The following PMFBP1 variants were observed in gnomAD, a reference collection of about 807,000 sequenced individuals.
PMFBP1 encodes polyamine-modulated factor 1-binding protein 1.
In PMFBP1, 131 loss-of-function variants were observed where a neutral mutation model predicts 137.8. That is an observed-to-expected ratio of 0.95 (90% CI 0.82 to 1.10). The LOEUF (loss-of-function observed/expected upper bound fraction) is 1.10, where lower values mean the gene tolerates loss of function less well. Ranked by LOEUF, PMFBP1 falls within the 50% of genes least tolerant of loss-of-function variation. The pLI, the probability that PMFBP1 is intolerant of heterozygous loss-of-function variation, is 0.00. For synonymous variants in PMFBP1, 490 were observed against 450.4 expected, an observed-to-expected ratio of 1.09 and a Z score of -1.11; for missense variants, 1,199 against 1,175.4, an observed-to-expected ratio of 1.02 and a Z score of -0.29.
chr16:72,168,068 C>G (rs564365304), intron 2 of PMFBP1, among the ~76,000 whole-genome samples: 10 of 152,330 alleles, frequency 6.6e-5, no homozygotes, highest in Admixed American at 1.3e-4. Context: ...TTAGCATCGG[C>G]TCAGAGTCTC....
chr16:72,127,985 G>A (rs1337987410), intron 14 of PMFBP1, among the ~76,000 whole-genome samples: 1 of 152,208 alleles, frequency 6.6e-6, no homozygotes, highest in Non-Finnish European at 1.5e-5. Context: ...CAGAAAGATG[G>A]AATGGATTTA....
rs935042259 is a variant in PMFBP1, at chr16:72,120,231, C to T, written c.2769-142G>A. 2.2e-6 allele frequency: 3 copies of T among 1,378,658 alleles called. No homozygotes were observed. The African/African-American group carries it at 4.3e-5, about 20-fold the overall frequency. 85.4% of individuals were successfully genotyped at this position (1,378,658 alleles called of 1,614,324 possible). The stretch of plus-strand genomic sequence containing the variant: ...TCAGAGCCGGCCTGTTACACATGCT[C>T]TGTAGAAATGGAAGCCTACGTGTGT... On this transcript the variant is annotated intron_variant, in intron 19 of 20. Transcript: ENST00000237353.
the PMFBP1 span, among the ~76,000 whole-genome samples, chr16:72,230,639 CA>C: frequency 6.6e-6 from 1 of 152,154 alleles, no homozygotes; most frequent in Non-Finnish European, 1.5e-5. Flanking sequence ...TACCCCAAGC[CA>C]AACACTTGGG....
At chr16:72,221,654 G>T in the PMFBP1 span, among the ~76,000 whole-genome samples, 1 of 152,160 alleles carries the variant, frequency 6.6e-6, no homozygotes, top group Non-Finnish European at 1.5e-5. Context: ...GGATGAAGGG[G>T]GAGAGAAAAG....
chr16:72,212,029 G>A, the PMFBP1 span, among the ~76,000 whole-genome samples: 1 of 152,018 alleles, frequency 6.6e-6, no homozygotes, highest in African/African-American at 2.4e-5. Context: ...TAAAAAAAAA[G>A]TGGTAAAATA....
chr16:72,127,399 G>A (rs2144261680), intron 14 of PMFBP1, among the ~76,000 whole-genome samples: 1 of 152,248 alleles, frequency 6.6e-6, no homozygotes, highest in Non-Finnish European at 1.5e-5. Context: ...AAAACATGGA[G>A]TCAGCAGGGT....
intron 9 of PMFBP1, 112 bp from the exon 10 acceptor site, chr16:72,133,103 T>G (rs751411509): frequency 5.3e-6 from 7 of 1,321,514 alleles, no homozygotes; most frequent in Non-Finnish European, 7.3e-6. Flanking sequence ...TGCCTGGACA[T>G]TGCACGAACC....
Position 72,124,922 on chromosome 16 carries a change from C to T in PMFBP1, c.2434G>A (p.Asp812Asn). Residue 812 changes from aspartate (D) to asparagine (N), a missense_variant, in exon 17 of 21, where the codon GAC becomes AAC. Physicochemically the swap from Asp to Asn is conservative, Grantham distance 23 (BLOSUM62 1). Transcript: ENST00000237353. ...CAGCTCATCTCCTCTAGCTTCTTGT[C>T]AAAGGCGTGCACCTACTCAGGAGAG... ...QESELEVHAF[D>N]KKLEEMSCQV... is the part of the protein sequence containing the mutation. 6.2e-7 allele frequency: 1 copy of T among 1,613,974 alleles called. No homozygotes were observed. The highest frequency in any genetic ancestry group is 8.5e-7 in the Non-Finnish European group (1 of 1,179,932).
intron 9 of PMFBP1, among the ~76,000 whole-genome samples, chr16:72,133,490 T>A (rs1291207101): frequency 1.3e-5 from 2 of 152,146 alleles, no homozygotes; most frequent in Non-Finnish European, 2.9e-5. Flanking sequence ...TTTATTATCT[T>A]AGTTTAGTTT....
intron 9 of PMFBP1, among the ~76,000 whole-genome samples, chr16:72,136,211 G>C (rs770537131): frequency 6.6e-6 from 1 of 152,162 alleles, no homozygotes; most frequent in Non-Finnish European, 1.5e-5. Context: ...TGCGGGGCTT[G>C]GGAAAAGTCA....
At chr16:72,161,799 C>T (rs188187331) in intron 3 of PMFBP1, among the ~76,000 whole-genome samples, 2 of 152,276 alleles carry the variant, frequency 1.3e-5, no homozygotes, top group Admixed American at 1.3e-4. Flanking sequence ...CAGGATTTCA[C>T]ATTGCATTTA....
At chr16:72,237,857 CT>C in the PMFBP1 span, among the ~76,000 whole-genome samples, 2 of 152,098 alleles carry the variant, frequency 1.3e-5, no homozygotes, top group African/African-American at 2.4e-5. Flanking sequence ...TCCATGTGTT[CT>C]CATCATTTAG....
At chr16:72,179,467 GAGA>G (rs2043269362), upstream of PMFBP1, among the ~76,000 whole-genome samples, 3 of 152,136 alleles carry the variant, frequency 2.0e-5, no homozygotes, top group South Asian at 6.2e-4. Context: ...ACTCCCAGGA[GAGA>G]AGAACATTTC....
In PMFBP1 at chr16:72,132,749, A is replaced by G. The variant is rs762497410; in HGVS notation, c.1446T>C (p.Ala482=). ...GGACAGCACCTGCAGGGGCCTCACC[A>G]GCCAGCCTCTCCTGCTGCTTGGCCT... is the stretch of plus-strand genomic sequence containing the variant. ...LEEAKQQERL[A]AQQAAQCKEE... Residue 482 remains alanine (A), a splice_region_variant and synonymous_variant, in exon 10 of 21, where the codon GCT becomes GCC. Coordinates refer to ENST00000237353, the MANE Select transcript of PMFBP1 (RefSeq NM_031293.3). 1 of 1,614,192 alleles carries G rather than the reference A, an allele frequency of 6.2e-7. No homozygotes were observed. The highest frequency in any genetic ancestry group is 1.7e-5 in the Admixed American group (1 of 60,026).
intron 5 of PMFBP1, among the ~76,000 whole-genome samples, chr16:72,143,417 G>T (rs1406755509): frequency 6.6e-6 from 1 of 152,200 alleles, no homozygotes; most frequent in Non-Finnish European, 1.5e-5. Flanking sequence ...TAAGGTGGCA[G>T]GATAAGAGAG....
chr16:72,237,247 A>C, the PMFBP1 span, among the ~76,000 whole-genome samples: 1 of 152,156 alleles, frequency 6.6e-6, no homozygotes, highest in Non-Finnish European at 1.5e-5. Context: ...TTATTTGGTT[A>C]GGTTCTGGTT....
chr16:72,246,546 A>G, the PMFBP1 span, among the ~76,000 whole-genome samples: 3 of 151,570 alleles, frequency 2.0e-5, no homozygotes, highest in African/African-American at 7.3e-5. Flanking sequence ...TTGAGGTGAC[A>G]ACTTCCCCAG....
intron 4 of PMFBP1, among the ~76,000 whole-genome samples, chr16:72,153,093 C>G (rs953675468): frequency 6.6e-6 from 1 of 152,208 alleles, no homozygotes; most frequent in Non-Finnish European, 1.5e-5. Context: ...CCAACTCATT[C>G]AGGGTCACTT....
At chr16:72,206,054 C>T in the PMFBP1 span, among the ~76,000 whole-genome samples, 1 of 152,124 alleles carries the variant, frequency 6.6e-6, no homozygotes, top group Non-Finnish European at 1.5e-5. Flanking sequence ...TAGATAATAG[C>T]TTGCTATTGG....
Sources: gnomAD v4.1 joint callset for allele counts (sites outside exome capture counted in the v4.1 genomes callset) on GRCh38, gnomAD v4.1.1 for gene constraint, MANE v1.5 for transcripts, NCBI Gene and HGNC (gene_info 2026-07-23, HGNC 2026-07-21) for gene names.